LYN: variants seen among roughly 807,000 people sequenced by gnomAD.
LYN encodes the protein LYN proto-oncogene, Src family tyrosine kinase.
A neutral mutation model predicts 65.0 loss-of-function variants in LYN; 12 were observed. The observed-to-expected ratio is 0.18, with a 90% CI of 0.12 to 0.30. The LOEUF (loss-of-function observed/expected upper bound fraction) is 0.30, where lower values mean the gene tolerates loss of function less well. LYN is among the 10% of genes least tolerant of loss of function. The pLI is 1.00. For synonymous variants in LYN, 222 were observed against 221.2 expected (o/e 1.00, Z -0.03); for missense variants, 380 against 623.2 (o/e 0.61, Z 4.16).
chr8:55,905,576 C>T (rs1041484962), intron 1 of LYN, among the ~76,000 whole-genome samples: 6 of 152,130 alleles, frequency 3.9e-5, no homozygotes, highest in South Asian at 2.1e-4. Context: ...GAAAAGCTAC[C>T]GCAAGGTCAT....
chr8:55,893,807 T>TC (rs1218077697), intron 1 of LYN: 2 of 152,060 alleles, frequency 1.3e-5, no homozygotes, highest in Non-Finnish European at 2.9e-5. Context: ...TTGTTTTTTT[T>TC]TAGAAGCAAG....
Position 55,954,525 on chromosome 8 carries a change from T to G in LYN, c.790+541T>G, listed in dbSNP as rs188898282. On this transcript the variant is annotated intron_variant, in intron 8 of 12. Coordinates refer to ENST00000519728, the MANE Select transcript of LYN (RefSeq NM_002350.4). ...GGCTTTTTCCAGGGGATTCTTTTCA[T>G]CTACCTACTTTAAAAAAAAGTTTTT... Among the ~76,000 whole-genome samples the G allele has an allele frequency of 7.7e-4, 117 of 152,324 alleles. No homozygotes were observed. In the East Asian group the frequency reaches 0.018, roughly 24 times the overall value.
Position 55,964,607 on chromosome 8 carries a change from C to T in LYN, c.791-2108C>T, listed in dbSNP as rs141566724. On this transcript the variant is annotated intron_variant, in intron 8 of 12. Coordinates refer to ENST00000519728, the MANE Select transcript of LYN (RefSeq NM_002350.4). ...CTTGGCTGGGCACAGTGGCTCATGC[C>T]TACAATCCCAGCACTTTGGAAGACC... 2.7e-3 allele frequency among the ~76,000 whole-genome samples: 405 copies of T among 152,220 alleles called. 3 individuals carry two copies. The highest frequency in any genetic ancestry group is 8.3e-3 in the African/African-American group (343 of 41,528).
chr8:55,948,844 T>A (rs532090164), intron 4 of LYN, among the ~76,000 whole-genome samples: 1 of 152,338 alleles, frequency 6.6e-6, no homozygotes, highest in Admixed American at 6.5e-5. Context: ...AGTACCTAGA[T>A]CATGGGGTTG....
At chr8:55,925,472 C>A (rs1355759233) in intron 1 of LYN, among the ~76,000 whole-genome samples, 2 of 152,202 alleles carry the variant, frequency 1.3e-5, no homozygotes, top group Non-Finnish European at 1.5e-5. Context: ...CGTTTAAAAT[C>A]CTTGGCTAGG....
intron 1 of LYN, among the ~76,000 whole-genome samples, chr8:55,885,866 AC>A (rs1804776563): frequency 6.8e-6 from 1 of 147,956 alleles, no homozygotes. Flanking sequence ...CTGCAGCCCC[AC>A]CTTCCTTACC....
rs1491142634 is a variant in LYN, at chr8:55,911,101, A to ACACG, written c.-5-30754_-5-30753insCACG. On this transcript the variant is annotated intron_variant, in intron 1 of 12. Coordinates refer to ENST00000519728, the MANE Select transcript of LYN (RefSeq NM_002350.4). ...TACATACATATATATATATATATAC[A>ACACG]TACACGTATATATACGTATATATAT... Among the ~76,000 whole-genome samples the ACACG allele has an allele frequency of 1.2e-3, 12 of 10,410 alleles. 2 individuals are homozygous for ACACG. The highest frequency in any genetic ancestry group is 9.5e-4 in the Non-Finnish European group (6 of 6,326). 6.8% of individuals were successfully genotyped at this position (10,410 alleles called of 152,430 possible).
At chr8:55,962,310 T>A (rs1807309230) in intron 8 of LYN, among the ~76,000 whole-genome samples, 1 of 152,200 alleles carries the variant, frequency 6.6e-6, no homozygotes, top group Non-Finnish European at 1.5e-5. Context: ...TGGGTGTGGC[T>A]ATTGTTTATT....
chr8:55,967,164 C>T (rs1351370433), intron 9 of LYN, among the ~76,000 whole-genome samples: 1 of 149,820 alleles, frequency 6.7e-6, no homozygotes, highest in Non-Finnish European at 1.5e-5. Flanking sequence ...TATCTAGTAG[C>T]CCCCAATAAA....
chr8:55,949,876 A>T (rs976840005), intron 4 of LYN, among the ~76,000 whole-genome samples: 1 of 152,122 alleles, frequency 6.6e-6, no homozygotes, highest in Non-Finnish European at 1.5e-5. Context: ...ATTTTAGAAC[A>T]TTTTAAATAC....
intron 1 of LYN, among the ~76,000 whole-genome samples, chr8:55,900,910 T>C: frequency 6.6e-6 from 1 of 152,178 alleles, no homozygotes; most frequent in Non-Finnish European, 1.5e-5. Context: ...TGAAAAGTTA[T>C]TAAGGTTCTA....
chr8:55,987,240 C>T (rs1808098092), intron 10 of LYN, among the ~76,000 whole-genome samples: 1 of 151,880 alleles, frequency 6.6e-6, no homozygotes, highest in Non-Finnish European at 1.5e-5. Context: ...TGATGAAACA[C>T]CGTCTCTACT....
At chr8:55,927,982 A>C (rs1407487220) in intron 1 of LYN, among the ~76,000 whole-genome samples, 1 of 152,206 alleles carries the variant, frequency 6.6e-6, no homozygotes, top group Non-Finnish European at 1.5e-5. Flanking sequence ...TTTTATAAGA[A>C]ACTGCAAGAC....
At chr8:55,920,158 A>C (rs1805903530) in intron 1 of LYN, among the ~76,000 whole-genome samples, 1 of 152,208 alleles carries the variant, frequency 6.6e-6, no homozygotes, top group African/African-American at 2.4e-5. Flanking sequence ...TGGGAAGGCC[A>C]GTGTGAGTTG....
intron 10 of LYN, among the ~76,000 whole-genome samples, chr8:55,992,797 A>G (rs1808284835): frequency 6.6e-6 from 1 of 152,276 alleles, no homozygotes; most frequent in African/African-American, 2.4e-5. Flanking sequence ...GTGTCCTCAC[A>G]TGGAAGAAGG....
chr8:55,966,397 G>A (rs752286513), intron 8 of LYN, among the ~76,000 whole-genome samples: 1 of 149,490 alleles, frequency 6.7e-6, no homozygotes, highest in Non-Finnish European at 1.5e-5. Context: ...AGACGGAGTC[G>A]CACTCTGTCA....
At chr8:55,956,818 A>G (rs913352663) in intron 8 of LYN, among the ~76,000 whole-genome samples, 7 of 152,168 alleles carry the variant, frequency 4.6e-5, no homozygotes, top group African/African-American at 1.4e-4. Flanking sequence ...GATCGCAATC[A>G]CACTTAATTG....
chr8:55,976,799 C>T (rs1408981450), intron 10 of LYN, among the ~76,000 whole-genome samples: 1 of 151,988 alleles, frequency 6.6e-6, no homozygotes, highest in Admixed American at 6.6e-5. Flanking sequence ...GTAGGAACCT[C>T]GTGCATAAAG....
In LYN at chr8:55,966,707, C is replaced by T; in HGVS notation, c.791-8C>T. ...ATAAAGCATGCCCGCCTTCTTTTTT[C>T]TTCCTAGGTTACTATAACAACAGTA... On this transcript the variant is annotated splice_polypyrimidine_tract_variant and splice_region_variant and intron_variant, in intron 8 of 12. Transcript: ENST00000519728. 1.9e-6 allele frequency: 3 copies of T among 1,607,078 alleles called. No individual in the cohort carries two copies. The highest frequency in any genetic ancestry group is 2.5e-6 in the Non-Finnish European group (3 of 1,177,206).
Sources: allele counts gnomAD v4.1 joint callset (sites outside exome capture counted in the v4.1 genomes callset), GRCh38; gene constraint gnomAD v4.1.1; transcripts MANE v1.5; gene names NCBI Gene and HGNC (gene_info 2026-07-23, HGNC 2026-07-21).